Variants in DLGAP1 observed in about 807,000 individuals in gnomAD.
DLGAP1 encodes the protein disks large-associated protein 1.
Under a neutral mutation model 90.8 loss-of-function variants are expected in DLGAP1, and 11 were observed. The observed-to-expected ratio is 0.12, with a 90% confidence interval of 0.08 to 0.20. The LOEUF is 0.20. DLGAP1 is among the 10% of genes least tolerant of loss of function. The pLI is 1.00. For missense variants in DLGAP1, 1,050 were observed against 1,333.8 expected (o/e 0.79, Z 3.31); for synonymous variants, 558 against 540.7 (o/e 1.03, Z -0.44).
At chr18:4,073,233 G>A (rs1434026549) in intron 2 of DLGAP1, among the ~76,000 whole-genome samples, 1 of 152,116 alleles carries the variant, frequency 6.6e-6, no homozygotes, top group Non-Finnish European at 1.5e-5. Flanking sequence ...TGAGTAACCA[G>A]GCTCTTAACT....
chr18:4,059,220 C>A (rs1484707035), intron 2 of DLGAP1, among the ~76,000 whole-genome samples: 3 of 152,194 alleles, frequency 2.0e-5, no homozygotes, highest in African/African-American at 4.8e-5. Flanking sequence ...TGAATGGGGG[C>A]TGCCCTGTTC....
intron 9 of DLGAP1, among the ~76,000 whole-genome samples, chr18:3,556,668 A>C (rs1266268041): frequency 1.3e-5 from 2 of 152,226 alleles, no homozygotes; most frequent in East Asian, 3.8e-4. Context: ...ACTAAAGGAC[A>C]ACTTGGTTGG....
At chr18:3,520,588 G>C (rs1401926502) in intron 10 of DLGAP1, among the ~76,000 whole-genome samples, 1 of 152,062 alleles carries the variant, frequency 6.6e-6, no homozygotes, top group Non-Finnish European at 1.5e-5. Context: ...TGAGAACACA[G>C]ACACACACAC....
At chr18:3,777,115 G>A (rs1284618687) in intron 5 of DLGAP1, among the ~76,000 whole-genome samples, 1 of 152,036 alleles carries the variant, frequency 6.6e-6, no homozygotes, top group East Asian at 1.9e-4. Context: ...TGCTTTTTGG[G>A]AAAATTATTT....
intron 1 of DLGAP1, among the ~76,000 whole-genome samples, chr18:4,393,811 A>T (rs548864743): frequency 1.3e-5 from 2 of 152,298 alleles, no homozygotes; most frequent in African/African-American, 4.8e-5. Flanking sequence ...GTTCCACCTC[A>T]GAACATCAGG....
intron 1 of DLGAP1, among the ~76,000 whole-genome samples, chr18:4,240,651 T>C (rs1341064577): frequency 6.6e-6 from 1 of 152,206 alleles, no homozygotes. Context: ...ATAAGTGTCC[T>C]AACATAATTC....
intron 9 of DLGAP1, among the ~76,000 whole-genome samples, chr18:3,562,260 G>A (rs1010975202): frequency 6.6e-6 from 1 of 151,966 alleles, no homozygotes. Context: ...TTATATCTGT[G>A]TGGCCACAGT....
chr18:4,450,689 C>T (rs918633545), intron 1 of DLGAP1, among the ~76,000 whole-genome samples: 2 of 152,200 alleles, frequency 1.3e-5, no homozygotes, highest in African/African-American at 4.8e-5. Flanking sequence ...TTGTGGTTTG[C>T]TGTTGTGCTG....
chr18:3,518,229 G>A (rs1329335467), intron 10 of DLGAP1, among the ~76,000 whole-genome samples: 2 of 152,160 alleles, frequency 1.3e-5, no homozygotes, highest in South Asian at 2.1e-4. Flanking sequence ...CCTGAGGAGA[G>A]GGAGAGAGAT....
chr18:4,111,136 G>A (rs531629101), intron 2 of DLGAP1, among the ~76,000 whole-genome samples: 11 of 152,068 alleles, frequency 7.2e-5, no homozygotes, highest in East Asian at 1.9e-4. Flanking sequence ...GTAGAATTTC[G>A]TCATATACTT....
At chr18:3,990,512 T>G (rs1458767261) in intron 3 of DLGAP1, among the ~76,000 whole-genome samples, 1 of 149,830 alleles carries the variant, frequency 6.7e-6, no homozygotes, top group Admixed American at 6.7e-5. Flanking sequence ...AGGGATAGCA[T>G]TAGGAGATAT....
chr18:4,143,912 TGCAGTA>T (rs1206006839), intron 2 of DLGAP1, among the ~76,000 whole-genome samples: 2 of 152,146 alleles, frequency 1.3e-5, no homozygotes, highest in African/African-American at 4.8e-5. Context: ...AGACATGTCA[TGCAGTA>T]GCTAGATCCT....
chr18:3,806,555 A>C (rs2066571570), intron 5 of DLGAP1, among the ~76,000 whole-genome samples: 1 of 152,216 alleles, frequency 6.6e-6, no homozygotes, highest in African/African-American at 2.4e-5. Context: ...TAAATGAGTG[A>C]GTGAGTGATT....
At chr18:4,259,327 T>G (rs79167388) in intron 1 of DLGAP1, among the ~76,000 whole-genome samples, 3,709 of 152,324 alleles carry the variant, frequency 0.024, 97 homozygotes, top group African/African-American at 0.061. Context: ...GATGTAATAC[T>G]TCACTGTTTT....
intron 1 of DLGAP1, among the ~76,000 whole-genome samples, chr18:4,374,943 T>C (rs1268822950): frequency 6.6e-6 from 1 of 152,130 alleles, no homozygotes; most frequent in Non-Finnish European, 1.5e-5. Context: ...TTTAACTATA[T>C]TAATAGAAAA....
At chr18:3,566,859 AGTTTGAGAAATTCACAT>A (rs1218186862) in intron 9 of DLGAP1, among the ~76,000 whole-genome samples, 28 of 152,226 alleles carry the variant, frequency 1.8e-4, no homozygotes, top group African/African-American at 6.3e-4. Flanking sequence ...AGAAACTCCC[AGTTTGAGAAATTCACAT>A]GCCTCTCTCC....
intron 7 of DLGAP1, among the ~76,000 whole-genome samples, chr18:3,613,334 G>A (rs1027371093): frequency 2.0e-5 from 3 of 151,968 alleles, no homozygotes; most frequent in Non-Finnish European, 2.9e-5. Flanking sequence ...ATTGTCTTCC[G>A]TTTTGTTTTG....
chr18:4,453,651 A>G (rs1276420101), intron 1 of DLGAP1, among the ~76,000 whole-genome samples: 3 of 152,196 alleles, frequency 2.0e-5, no homozygotes, highest in African/African-American at 7.2e-5. Context: ...ATGTCTAACC[A>G]CATCTTAGAC....
intron 7 of DLGAP1, among the ~76,000 whole-genome samples, chr18:3,715,688 C>G (rs1441672788): frequency 6.6e-6 from 1 of 151,960 alleles, no homozygotes; most frequent in African/African-American, 2.4e-5. Flanking sequence ...TTTTTCTTAC[C>G]ATAATTGCTT....
Sources: gnomAD v4.1 joint callset for allele counts (sites outside exome capture counted in the v4.1 genomes callset) on GRCh38, gnomAD v4.1.1 for gene constraint, MANE v1.5 for transcripts, NCBI Gene and HGNC (gene_info 2026-07-23, HGNC 2026-07-21) for gene names.